The following FSTL5 variants were observed in gnomAD, a reference collection of about 807,000 sequenced individuals.
The protein encoded by FSTL5 is follistatin-related protein 5.
Under a neutral mutation model 89.1 loss-of-function variants are expected in FSTL5, and 62 were observed. The observed-to-expected ratio is 0.70, with a 90% confidence interval of 0.57 to 0.86. FSTL5 has a LOEUF of 0.86. Among genes scored for constraint, FSTL5 ranks in the 40% least tolerant of loss-of-function variants. FSTL5 has a pLI of 0.00. For missense variants in FSTL5, 1,057 were observed against 1,001.6 expected (o/e 1.06, Z -0.75); for synonymous variants, 383 against 346.2 (o/e 1.11, Z -1.18).
intron 7 of FSTL5, among the ~76,000 whole-genome samples, chr4:161,626,871 C>A (rs1735333589): frequency 6.6e-6 from 1 of 152,090 alleles, no homozygotes; most frequent in Admixed American, 6.6e-5. Context: ...AGATGTGATG[C>A]AAATAGCAAA....
chr4:161,747,374 G>C (rs1487977928), intron 6 of FSTL5, among the ~76,000 whole-genome samples: 1 of 151,938 alleles, frequency 6.6e-6, no homozygotes, highest in Non-Finnish European at 1.5e-5. Flanking sequence ...TTTTTTATTT[G>C]AAAAGTTTCC....
At chr4:161,645,076 T>A (rs116818099) in intron 7 of FSTL5, among the ~76,000 whole-genome samples, 2,493 of 152,224 alleles carry the variant, frequency 0.016, 58 homozygotes, top group African/African-American at 0.055. Flanking sequence ...ATAAAAAAAT[T>A]TGAGACTCAA....
chr4:161,505,360 G>A (rs554467544), intron 11 of FSTL5, among the ~76,000 whole-genome samples: 1 of 152,210 alleles, frequency 6.6e-6, no homozygotes, highest in South Asian at 2.1e-4. Context: ...AGTTCAACTA[G>A]AACAAGACTT....
At chr4:161,545,453 C>T (rs114706616) in intron 8 of FSTL5, among the ~76,000 whole-genome samples, 11,312 of 22,938 alleles carry the variant, frequency 0.49, 540 homozygotes, top group Middle Eastern at 0.58. Flanking sequence ...TAAGATCTGG[C>T]GCGTTGCTAC....
intron 1 of FSTL5, among the ~76,000 whole-genome samples, chr4:162,147,198 T>G (rs1733036411): frequency 6.6e-6 from 1 of 152,278 alleles, no homozygotes; most frequent in Admixed American, 6.5e-5. Flanking sequence ...TCTATTTCCT[T>G]CAAAATTTTA....
chr4:161,849,154 T>G (rs1731472193), intron 4 of FSTL5, among the ~76,000 whole-genome samples: 1 of 152,230 alleles, frequency 6.6e-6, no homozygotes, highest in Admixed American at 6.5e-5. Flanking sequence ...AAATAAATTT[T>G]CCTGGGCAAA....
At chr4:162,115,256 T>A (rs1415063534) in intron 1 of FSTL5, among the ~76,000 whole-genome samples, 3 of 152,200 alleles carry the variant, frequency 2.0e-5, no homozygotes, top group Non-Finnish European at 2.9e-5. Flanking sequence ...AACAGTAACC[T>A]AAATTAAAAA....
chr4:161,501,467 T>G (rs544399762), intron 11 of FSTL5, among the ~76,000 whole-genome samples: 320 of 152,176 alleles, frequency 2.1e-3, no homozygotes, highest in Non-Finnish European at 3.2e-3. Context: ...TAAACTAAAC[T>G]ATTACTTTAT....
chr4:161,934,633 C>G (rs1056770517), intron 3 of FSTL5, among the ~76,000 whole-genome samples: 3 of 151,226 alleles, frequency 2.0e-5, no homozygotes, highest in Non-Finnish European at 4.4e-5. Flanking sequence ...TTCGTTCTTT[C>G]TTTTTGCTTT....
At chr4:161,797,381 T>C (rs1729664337) in intron 4 of FSTL5, among the ~76,000 whole-genome samples, 1 of 151,664 alleles carries the variant, frequency 6.6e-6, no homozygotes, top group Non-Finnish European at 1.5e-5. Context: ...ACAATTACAG[T>C]AAATTAGGAA....
Position 161,459,299 on chromosome 4 carries a change from G to A in FSTL5, c.1629C>T (p.Val543=), listed in dbSNP as rs1361736364. Residue 543 remains valine, a synonymous_variant, in exon 14 of 16, where the codon GTC becomes GTT. Transcript: ENST00000306100. ...ATTTGTCATAGTGTAATTTAACTGGGACAGGGTCTGTGCTCACTGCCTACA... is the reference window on the plus strand; with the variant it reads ...ATTTGTCATAGTGTAATTTAACTGGAACAGGGTCTGTGCTCACTGCCTACA... ...KVVQAVSTDP[V]PVKLHYDKSH... is the part of the protein sequence containing the mutation. The A allele has an allele frequency of 6.2e-7, 1 of 1,612,344 alleles. No individual in the cohort carries two copies. The highest frequency in any genetic ancestry group is 1.1e-5 in the South Asian group (1 of 91,020).
intron 4 of FSTL5, among the ~76,000 whole-genome samples, chr4:161,920,027 A>T (rs1733948307): frequency 6.6e-6 from 1 of 152,168 alleles, no homozygotes. Context: ...ATGAAATGTT[A>T]TCACAGCATG....
intron 2 of FSTL5, among the ~76,000 whole-genome samples, chr4:162,104,999 A>C (rs779827050): frequency 5.9e-5 from 9 of 152,216 alleles, no homozygotes; most frequent in Non-Finnish European, 8.8e-5. Context: ...ACAATAAAAA[A>C]GCATCTAGCC....
chr4:162,024,459 A>C (rs1560976214), intron 3 of FSTL5, among the ~76,000 whole-genome samples: 1 of 152,116 alleles, frequency 6.6e-6, no homozygotes, highest in East Asian at 1.9e-4. Context: ...AGTAACCTTC[A>C]TTATCTGATG....
chr4:162,124,857 G>C (rs560708749), intron 1 of FSTL5, among the ~76,000 whole-genome samples: 537 of 152,158 alleles, frequency 3.5e-3, no homozygotes, highest in Non-Finnish European at 6.4e-3. Flanking sequence ...CCGCCACCAC[G>C]TCCAGCTAAT....
At chr4:161,396,487 CAA>C (rs539749954) in intron 15 of FSTL5, among the ~76,000 whole-genome samples, 1,357 of 106,738 alleles carry the variant, frequency 0.013, 17 homozygotes, top group East Asian at 0.068. Flanking sequence ...ACTAAAAATA[CAA>C]AAAAAAAAAA....
At chr4:162,078,111 C>T (rs1331586376) in intron 2 of FSTL5, among the ~76,000 whole-genome samples, 1 of 151,832 alleles carries the variant, frequency 6.6e-6, no homozygotes, top group African/African-American at 2.4e-5. Flanking sequence ...AGGTTGATTA[C>T]ATGGGTCACA....
intron 7 of FSTL5, among the ~76,000 whole-genome samples, chr4:161,638,296 A>G (rs1212706861): frequency 2.0e-5 from 3 of 151,422 alleles, no homozygotes; most frequent in Admixed American, 1.3e-4. Flanking sequence ...AATGCTTGTG[A>G]TTTTTGTACA....
intron 10 of FSTL5, among the ~76,000 whole-genome samples, chr4:161,519,934 G>A (rs985960306): frequency 5.9e-5 from 9 of 152,214 alleles, no homozygotes; most frequent in Non-Finnish European, 1.0e-4. Context: ...TATATTAAGT[G>A]CCTGGCACAT....
Sources: allele counts gnomAD v4.1 joint callset (sites outside exome capture counted in the v4.1 genomes callset), GRCh38; gene constraint gnomAD v4.1.1; transcripts MANE v1.5; gene names NCBI Gene and HGNC (gene_info 2026-07-23, HGNC 2026-07-21).